The following CRACR2A variants were observed in gnomAD, a reference collection of about 807,000 sequenced individuals.
CRACR2A encodes EF-hand calcium-binding domain-containing protein 4B.
In CRACR2A, 79 loss-of-function variants were observed where a neutral mutation model predicts 90.5. That is an observed-to-expected ratio of 0.87 (90% CI 0.73 to 1.05). The LOEUF (loss-of-function observed/expected upper bound fraction) is 1.05. Among genes scored for constraint, CRACR2A ranks in the 50% least tolerant of loss-of-function variants. CRACR2A has a pLI of 0.00. For missense variants in CRACR2A, 823 were observed against 897.2 expected, an observed-to-expected ratio of 0.92 and a Z score of 1.06; for synonymous variants, 338 against 356.7, an observed-to-expected ratio of 0.95 and a Z score of 0.59.
chr12:3,627,333 G>A lies in CRACR2A; in HGVS notation c.1932+103C>T, dbSNP rs116811517. ...TTTGTTCCTGGAAAAGGCAAGTTCC[G>A]AATCAGATTTTGAAAATGCAGAGGC... On this transcript the variant is annotated intron_variant, in intron 17 of 19. Transcript: ENST00000440314. 2.2e-3 allele frequency: 1,850 copies of A among 835,420 alleles called. 26 individuals carry two copies. In the African/African-American group the frequency reaches 0.026, roughly 12 times the overall value. 51.8% of individuals were successfully genotyped at this position (835,420 alleles called of 1,614,324 possible).
chr12:3,686,767 T>G (rs1280099632), intron 4 of CRACR2A, among the ~76,000 whole-genome samples: 4 of 152,106 alleles, frequency 2.6e-5, no homozygotes, highest in African/African-American at 9.7e-5. Flanking sequence ...CCCAGAGAGA[T>G]TCCTCAAGAA....
At chr12:3,705,730 G>A (rs565543369) in intron 3 of CRACR2A, among the ~76,000 whole-genome samples, 1 of 152,376 alleles carries the variant, frequency 6.6e-6, no homozygotes, top group East Asian at 1.9e-4. Context: ...AGTATCTGAT[G>A]TGAGTGCCGT....
chr12:3,675,942 C>T (rs1945328526), intron 6 of CRACR2A, among the ~76,000 whole-genome samples: 1 of 152,136 alleles, frequency 6.6e-6, no homozygotes, highest in Non-Finnish European at 1.5e-5. Flanking sequence ...TGACTCTCTG[C>T]ACCCAGCAGA....
intron 3 of CRACR2A, among the ~76,000 whole-genome samples, chr12:3,704,524 G>T (rs777413989): frequency 1.3e-5 from 2 of 152,080 alleles, no homozygotes; most frequent in Non-Finnish European, 2.9e-5. Context: ...ATATACAAAT[G>T]TATATTAAAA....
At chr12:3,624,845 G>C (rs1246090244) in intron 17 of CRACR2A, among the ~76,000 whole-genome samples, 1 of 152,240 alleles carries the variant, frequency 6.6e-6, no homozygotes, top group Admixed American at 6.5e-5. Flanking sequence ...AGTTCCCCAG[G>C]AGAGTCCTAT....
intron 10 of CRACR2A, among the ~76,000 whole-genome samples, chr12:3,651,430 T>C (rs1478561944): frequency 6.6e-6 from 1 of 152,262 alleles, no homozygotes; most frequent in Non-Finnish European, 1.5e-5. Context: ...TTTGAACGTA[T>C]AACCTTTTGT....
chr12:3,742,014 C>T lies in CRACR2A; in HGVS notation c.-386-8804G>A, dbSNP rs564884441. Among the ~76,000 whole-genome samples the T allele has an allele frequency of 2.0e-5, 3 of 152,308 alleles. No homozygotes were observed. In the East Asian group the frequency reaches 5.8e-4, roughly 29 times the overall value. On this transcript the variant is annotated intron_variant, in intron 1 of 19. Coordinates refer to ENST00000440314, the MANE Select transcript of CRACR2A (RefSeq NM_001144958.2). Reference sequence around the variant, plus strand: ...CCAAAGCACCTCTGAGACAGCCCAGCCATTTCACAGGTTGCAGACAGGCTG... The same window carrying T: ...CCAAAGCACCTCTGAGACAGCCCAGTCATTTCACAGGTTGCAGACAGGCTG...
At chr12:3,686,866 C>T (rs1273342663) in intron 4 of CRACR2A, among the ~76,000 whole-genome samples, 2 of 152,184 alleles carry the variant, frequency 1.3e-5, no homozygotes. Flanking sequence ...TCTGCTACCC[C>T]TAGAGCAGAA....
rs1222536559 is a variant in CRACR2A, at chr12:3,680,236, A to C, written c.340+2T>G. 2 of 1,613,102 alleles carry C rather than the reference A, an allele frequency of 1.2e-6. No homozygotes were observed. Among genetic ancestry groups the C allele is most frequent in the South Asian group, 1.1e-5 (1 of 91,062 alleles). On this transcript the variant is annotated splice_donor_variant, in intron 5 of 19. Transcript: ENST00000440314. LOFTEE classifies it high-confidence loss of function. ...AGGTCCCCAGCACCCATCAGAACTT[A>C]CTAAATCCAGTAGTGAACTCCTGTG...
At chr12:3,745,825 T>TAAAATAAAATAAAAGAAAG (rs149739964) in intron 1 of CRACR2A, among the ~76,000 whole-genome samples, 8 of 100,486 alleles carry the variant, frequency 8.0e-5, no homozygotes, top group South Asian at 7.3e-4. Flanking sequence ...TAAAATAAAA[T>TAAAATAAAATAAAAGAAAG]AAAGAAAGAA....
intron 17 of CRACR2A, among the ~76,000 whole-genome samples, chr12:3,624,683 G>C (rs1944222183): frequency 1.3e-5 from 2 of 152,178 alleles, no homozygotes; most frequent in African/African-American, 4.8e-5. Flanking sequence ...CCTTGGTGAG[G>C]GGTCACAGGC....
chr12:3,624,582 G>C (rs1352760111), intron 17 of CRACR2A, among the ~76,000 whole-genome samples: 1 of 152,194 alleles, frequency 6.6e-6, no homozygotes, highest in Non-Finnish European at 1.5e-5. Context: ...CTGAAACTCT[G>C]TGCTGCTGAA....
chr12:3,647,939 C>A, intron 11 of CRACR2A: 7 of 985,598 alleles, frequency 7.1e-6, no homozygotes, highest in Non-Finnish European at 8.4e-6. Context: ...GGTGCACATT[C>A]CAGACCAGTA....
chr12:3,637,225 A>G (rs1467202225), intron 14 of CRACR2A, among the ~76,000 whole-genome samples: 1 of 152,222 alleles, frequency 6.6e-6, no homozygotes, highest in Non-Finnish European at 1.5e-5. Flanking sequence ...ACCAAGAGAA[A>G]AATGATGGTA....
rs1946006010 is a variant in CRACR2A, at chr12:3,711,534, C to T, written c.-37+1703G>A. Among the ~76,000 whole-genome samples, 1 of 152,228 alleles carries T rather than the reference C, an allele frequency of 6.6e-6. No individual in the cohort carries two copies. The highest frequency in any genetic ancestry group is 1.5e-5 in the Non-Finnish European group (1 of 68,044). On this transcript the variant is annotated intron_variant, in intron 3 of 19. Transcript: ENST00000440314. The surrounding 1 kb of genome is among the most constrained non-coding windows in gnomAD (Gnocchi z 4.3). ...TGTCTAATAACATGTTCTTCATTTT[C>T]ATCCGAGACCTCATCAGAATGGCTT...
Position 3,703,290 on chromosome 12 carries a change from A to ATGT in CRACR2A, c.-36-6256_-36-6255insACA, listed in dbSNP as rs1160422110. On this transcript the variant is annotated intron_variant, in intron 3 of 19. Coordinates refer to ENST00000440314, the MANE Select transcript of CRACR2A (RefSeq NM_001144958.2). ...TTTTTAGTAGAGATGGGGTTTCACC[A>ATGT]TAGCCAGGATGGTCTTGATCTCCTG... Among the ~76,000 whole-genome samples the ATGT allele has an allele frequency of 1.4e-4, 21 of 152,254 alleles. No homozygotes were observed. In the South Asian group the frequency reaches 3.9e-3, roughly 29 times the overall value.
intron 3 of CRACR2A, among the ~76,000 whole-genome samples, chr12:3,701,877 A>T (rs1413862434): frequency 2.6e-5 from 4 of 152,174 alleles, no homozygotes; most frequent in Non-Finnish European, 5.9e-5. Context: ...GAAAAAAAAT[A>T]GGCCAATATC....
intron 1 of CRACR2A, among the ~76,000 whole-genome samples, chr12:3,744,804 G>A (rs1353095097): frequency 6.6e-6 from 1 of 152,156 alleles, no homozygotes; most frequent in Admixed American, 6.5e-5. Flanking sequence ...CGGTATCACT[G>A]TATGACTTCC....
intron 7 of CRACR2A, among the ~76,000 whole-genome samples, chr12:3,667,235 T>C (rs1037195795): frequency 2.6e-5 from 4 of 152,058 alleles, no homozygotes; most frequent in Admixed American, 2.6e-4. Flanking sequence ...AGGGTCAGAG[T>C]AGCAGGCAGA....
Sources: allele counts gnomAD v4.1 joint callset (sites outside exome capture counted in the v4.1 genomes callset), GRCh38; gene constraint gnomAD v4.1.1; non-coding constraint Gnocchi (gnomAD v3.1); transcripts MANE v1.5; gene names NCBI Gene and HGNC (gene_info 2026-07-23, HGNC 2026-07-21).